The following TCF20 variants were observed in gnomAD, a reference collection of about 807,000 sequenced individuals.
TCF20 encodes transcription factor 20.
In TCF20, 3 loss-of-function variants were observed where a neutral mutation model predicts 148.6. That is an observed-to-expected ratio of 0.02 (90% CI 0.01 to 0.05). The LOEUF (loss-of-function observed/expected upper bound fraction) is 0.05, where lower values mean the gene tolerates loss of function less well. TCF20 is among the 10% of genes least tolerant of loss of function. The pLI is 1.00. For missense variants in TCF20, 2,350 were observed against 2,429.3 expected (o/e 0.97, Z 0.69); for synonymous variants, 1,049 against 909.5 (o/e 1.15, Z -2.76).
chr22:42,209,670 A>C lies in TCF20; in HGVS notation c.5636T>G (p.Leu1879Arg). 6.2e-7 allele frequency: 1 copy of C among 1,609,276 alleles called. No homozygotes were observed. Among genetic ancestry groups the C allele is most frequent in the Non-Finnish European group, 8.5e-7 (1 of 1,177,836 alleles). ...ACTCACCATCTCTCTGGCTATTTCC[A>C]GCGCTTCCTGCAGGCCATAGAGCCT... is the stretch of plus-strand genomic sequence containing the variant. Reference protein sequence around the residue: ...CGRLYGLQEALEIAREMKCSH... With the variant: ...CGRLYGLQEAREIAREMKCSH... Residue 1879 changes from leucine (L) to arginine (R), a missense_variant, in exon 2 of 6, where the codon CTG becomes CGG. This residue lies in a region of TCF20 where 30 missense variants were observed against 59.5 expected (regional missense o/e 0.50). Transcript: ENST00000677622.
intron 2 of TCF20, among the ~76,000 whole-genome samples, chr22:42,207,263 TA>T (rs1938447856): frequency 6.6e-6 from 1 of 152,040 alleles, no homozygotes; most frequent in South Asian, 2.1e-4. Flanking sequence ...CACACAACCC[TA>T]CCATCCTCTT....
At chr22:42,294,145 G>C (rs1927183789) in intron 1 of TCF20, among the ~76,000 whole-genome samples, 1 of 151,976 alleles carries the variant, frequency 6.6e-6, no homozygotes, top group African/African-American at 2.4e-5. Flanking sequence ...TCACAGTGGG[G>C]AATCCTCCCT....
chr22:42,228,543 G>A (rs138388718), intron 1 of TCF20, among the ~76,000 whole-genome samples: 1 of 152,184 alleles, frequency 6.6e-6, no homozygotes, highest in African/African-American at 2.4e-5. Context: ...GCAGTGACTG[G>A]GGAGCTTGTA....
rs73887963 is a variant in TCF20 at position 42,183,646 on chromosome 22, T to A, written c.5656-3944A>T. On this transcript the variant is annotated intron_variant, in intron 2 of 5. Transcript: ENST00000677622. ...GCCCAGTAAGACACCTGTGTTGGACTTTGAACCTACAGAACTGTAAGCAGA... is the reference window on the plus strand; with the variant it reads ...GCCCAGTAAGACACCTGTGTTGGACATTGAACCTACAGAACTGTAAGCAGA... Among the ~76,000 whole-genome samples, 701 of 152,352 alleles carry A rather than the reference T, an allele frequency of 4.6e-3. 12 individuals carry two copies. The highest frequency in any genetic ancestry group is 0.016 in the African/African-American group (672 of 41,582).
intron 1 of TCF20, among the ~76,000 whole-genome samples, chr22:42,228,447 C>T (rs551450611): frequency 6.6e-6 from 1 of 152,318 alleles, no homozygotes; most frequent in Admixed American, 6.5e-5. Context: ...CCAAGAGGTA[C>T]AAGTGACAAC....
intron 1 of TCF20, among the ~76,000 whole-genome samples, chr22:42,226,445 G>A (rs1253204850): frequency 2.6e-5 from 4 of 152,204 alleles, no homozygotes; most frequent in South Asian, 2.1e-4. Flanking sequence ...GCTCAAGCCT[G>A]TAATCCCAGC....
intron 1 of TCF20, among the ~76,000 whole-genome samples, chr22:42,325,693 C>A (rs954216062): frequency 5.3e-5 from 8 of 152,184 alleles, no homozygotes; most frequent in Non-Finnish European, 8.8e-5. Flanking sequence ...CTGGGCCGCA[C>A]CCAAGGACGG....
intron 1 of TCF20, among the ~76,000 whole-genome samples, chr22:42,295,660 G>A (rs532718331): frequency 1.6e-4 from 24 of 151,902 alleles, no homozygotes; most frequent in South Asian, 6.2e-4. Context: ...GGCTAGTCTC[G>A]AACTCCTAAC....
Position 42,323,492 on chromosome 22 carries a change from CT to C in TCF20, c.-37+19986del, listed in dbSNP as rs1416249864. On this transcript the variant is annotated intron_variant, in intron 1 of 1. Transcript: ENST00000515426. Reference sequence around the variant, plus strand: ...GAGGACGGTGGAAGAGATGGGAGTGCTACTCTCGGTCATCCAGGGGTGGTCT... The same window carrying C: ...GAGGACGGTGGAAGAGATGGGAGTGCACTCTCGGTCATCCAGGGGTGGTCT... Among the ~76,000 whole-genome samples the C allele has an allele frequency of 7.2e-5, 11 of 151,830 alleles. 1 individual carries two copies. Among genetic ancestry groups the C allele is most frequent in the African/African-American group, 2.7e-4 (11 of 41,490 alleles).
intron 1 of TCF20, among the ~76,000 whole-genome samples, chr22:42,322,764 G>C (rs1270404601): frequency 2.1e-5 from 3 of 142,862 alleles, no homozygotes; most frequent in Non-Finnish European, 4.4e-5. Flanking sequence ...ATGAGTGTCT[G>C]AGTGAATGAA....
At chr22:42,170,045 G>C in intron 3 of TCF20, 149 bp from the exon 4 acceptor site, 1 of 674,672 alleles carries the variant, frequency 1.5e-6, no homozygotes, top group South Asian at 1.8e-5. Context: ...ACCCAAGTAA[G>C]CTATGATACC....
At chr22:42,331,761 G>A (rs990694428) in intron 1 of TCF20, among the ~76,000 whole-genome samples, 25 of 152,368 alleles carry the variant, frequency 1.6e-4, no homozygotes, top group African/African-American at 4.3e-4. Context: ...ACTACCCTGC[G>A]CAGCTGGGCT....
intron 1 of TCF20, among the ~76,000 whole-genome samples, chr22:42,258,618 C>A (rs1218652064): frequency 6.6e-6 from 1 of 152,142 alleles, no homozygotes; most frequent in Non-Finnish European, 1.5e-5. Context: ...ACTTTGAGTA[C>A]CCACACAACC....
intron 1 of TCF20, among the ~76,000 whole-genome samples, chr22:42,280,531 C>T (rs941566578): frequency 6.6e-6 from 1 of 152,218 alleles, no homozygotes; most frequent in African/African-American, 2.4e-5. Flanking sequence ...GCTGCCCTGG[C>T]CCCTGCTCTG....
intron 1 of TCF20, among the ~76,000 whole-genome samples, chr22:42,295,285 C>T (rs953303888): frequency 2.1e-4 from 32 of 152,164 alleles, no homozygotes; most frequent in African/African-American, 7.7e-4. Flanking sequence ...TCCCCACCCT[C>T]TGTGAGCCAG....
intron 1 of TCF20, among the ~76,000 whole-genome samples, chr22:42,313,231 C>T (rs568298400): frequency 2.0e-5 from 3 of 152,322 alleles, no homozygotes; most frequent in Non-Finnish European, 4.4e-5. Context: ...AGGATGCAGG[C>T]GAACCCCCTG....
chr22:42,280,655 C>G (rs1035333180), intron 1 of TCF20, among the ~76,000 whole-genome samples: 1 of 152,224 alleles, frequency 6.6e-6, no homozygotes, highest in African/African-American at 2.4e-5. Flanking sequence ...GCTATTATTA[C>G]CAGACACGAT....
Position 42,174,859 on chromosome 22 carries a change from C to A in TCF20, c.5749+4750G>T, listed in dbSNP as rs140465338. ...GACCATCCCGGCTAACACGGTGAAA[C>A]CCCGTCTCTACTAAAAACAGAAAAA... On this transcript the variant is annotated intron_variant, in intron 3 of 5. Coordinates refer to ENST00000677622, the MANE Select transcript of TCF20 (RefSeq NM_001378418.1). 1.3e-4 allele frequency among the ~76,000 whole-genome samples: 20 copies of A among 152,100 alleles called. No homozygotes were observed. In the East Asian group the frequency reaches 3.5e-3, roughly 27 times the overall value.
At chr22:42,204,653 T>C (rs896103533) in intron 2 of TCF20, among the ~76,000 whole-genome samples, 19 of 152,292 alleles carry the variant, frequency 1.2e-4, no homozygotes, top group African/African-American at 4.6e-4. Context: ...GAGATCAGCC[T>C]GGCCAACATG....
Sources: allele counts gnomAD v4.1 joint callset (sites outside exome capture counted in the v4.1 genomes callset), GRCh38; gene constraint gnomAD v4.1.1; regional missense constraint gnomAD v4.1.1; transcripts MANE v1.5; gene names NCBI Gene and HGNC (gene_info 2026-07-23, HGNC 2026-07-21).